Variants in CD300LG observed in about 807,000 individuals in gnomAD.
CD300LG encodes CMRF35-like molecule 9.
In CD300LG, 29 loss-of-function variants were observed where a neutral mutation model predicts 31.5. That is an observed-to-expected ratio of 0.92 (90% CI 0.68 to 1.25). The LOEUF (loss-of-function observed/expected upper bound fraction) is 1.25, where lower values mean the gene tolerates loss of function less well. CD300LG is among the 50% of genes most tolerant of loss of function. The pLI, the probability that CD300LG is intolerant of heterozygous loss-of-function variation, is 0.00. For missense variants in CD300LG, 396 were observed against 417.6 expected (o/e 0.95, Z 0.45); for synonymous variants, 175 against 177.2 (o/e 0.99, Z 0.10).
intron 6 of CD300LG, chr17:43,858,488 T>C (rs1286156751): frequency 1.0e-6 from 1 of 985,264 alleles, no homozygotes; most frequent in Non-Finnish European, 1.2e-6. Context: ...TTTGGGCTTT[T>C]TCCTGCCTGA....
chr17:43,857,490 A>G (rs1567854975), intron 6 of CD300LG: 1 of 1,530,500 alleles, frequency 6.5e-7, no homozygotes, highest in Non-Finnish European at 8.8e-7. Flanking sequence ...AGCTGGATCC[A>G]GATGAAGCCT....
intron 6 of CD300LG, chr17:43,861,288 G>T: frequency 1.0e-6 from 1 of 985,358 alleles, no homozygotes; most frequent in Non-Finnish European, 1.2e-6. Context: ...GGGAGGGGCT[G>T]AGGAGCCACC....
chr17:43,848,775 G>T lies in CD300LG; in HGVS notation c.261G>T (p.Glu87Asp). The T allele has an allele frequency of 6.2e-7, 1 of 1,614,182 alleles. No individual in the cohort carries two copies. Residue 87 changes from glutamate to aspartate, a missense_variant, in exon 2 of 7, where the codon GAG (glutamate) becomes GAT (aspartate). By Grantham distance (45) the Glu-to-Asp change is conservative. Coordinates refer to ENST00000317310, the MANE Select transcript of CD300LG (RefSeq NM_145273.4). The stretch of plus-strand genomic sequence containing the variant: ...TGTCCATCCGTGACAGCCGCCAGGA[G>T]CTCTCGCTCATTGTGACCCTGTGGA... ...GRVSIRDSRQ[E>D]LSLIVTLWNL... is the part of the protein sequence containing the mutation.
chr17:43,847,397 G>A lies in CD300LG; in HGVS notation c.43+138G>A, dbSNP rs577397754. The A allele has an allele frequency of 4.7e-6, 4 of 853,430 alleles. No individual in the cohort carries two copies. In the African/African-American group the frequency reaches 5.3e-5, roughly 11 times the overall value. 52.9% of individuals were successfully genotyped at this position (853,430 alleles called of 1,614,324 possible). ...GCCCTAGGGGAGCGGGGCGGGCTGG[G>A]GGTGGGGGGAGGTGGGGGTGGCGCC... is the stretch of plus-strand genomic sequence containing the variant. On this transcript the variant is annotated intron_variant, in intron 1 of 6. Transcript: ENST00000317310.
At chr17:43,852,386 G>A (rs1464612586) in intron 2 of CD300LG, among the ~76,000 whole-genome samples, 1 of 151,976 alleles carries the variant, frequency 6.6e-6, no homozygotes, top group African/African-American at 2.4e-5. Flanking sequence ...AGCTAATTTT[G>A]TATTTTTAGT....
At position 43,852,901 on chromosome 17, in the gene CD300LG, C is replaced by G; in HGVS notation, c.380-11C>G. 1 of 1,604,230 alleles carries G rather than the reference C, an allele frequency of 6.2e-7. No individual in the cohort carries two copies. Among genetic ancestry groups the G allele is most frequent in the Non-Finnish European group, 8.5e-7 (1 of 1,174,338 alleles). On this transcript the variant is annotated splice_polypyrimidine_tract_variant and intron_variant, in intron 2 of 6. Transcript: ENST00000317310. ...TGCCACCCCTGAGAGCAGCCTTTCC[C>G]TTTCCTCTAGGACCCTGCTGTCCTC...
chr17:43,854,283 C>T (rs1305428474), intron 4 of CD300LG, among the ~76,000 whole-genome samples: 1 of 152,236 alleles, frequency 6.6e-6, no homozygotes, highest in Non-Finnish European at 1.5e-5. Flanking sequence ...CCAGTCCTGA[C>T]CTCTCTCCCT....
intron 6 of CD300LG, 90 bp from the exon 7 acceptor site, chr17:43,861,708 T>A: frequency 2.6e-6 from 2 of 771,786 alleles, no homozygotes; most frequent in Non-Finnish European, 4.0e-6. Context: ...AAAGGCTGGG[T>A]GGACGCAGCA....
rs1470968545 is a variant in CD300LG at position 43,857,113 on chromosome 17, C to T, written c.842C>T (p.Ala281Val). ...LLLWRKEAQQ[A>V]TETQRNEKFC... Reference sequence around the variant, plus strand: ...TCTACATCTCTTTCAGCTCAACAGGCCACGGAGACACAGAGGAACGAGAAG... The same window carrying T: ...TCTACATCTCTTTCAGCTCAACAGGTCACGGAGACACAGAGGAACGAGAAG... Residue 281 changes from alanine to valine, a missense_variant, in exon 6 of 7, where the codon GCC (alanine) becomes GTC (valine). By Grantham distance (64) the Ala-to-Val change is moderately conservative. Coordinates refer to ENST00000317310, the MANE Select transcript of CD300LG (RefSeq NM_145273.4). The T allele has an allele frequency of 3.1e-6, 5 of 1,613,986 alleles. No individual in the cohort carries two copies. Among genetic ancestry groups the T allele is most frequent in the African/African-American group, 2.7e-5 (2 of 74,924 alleles).
At chr17:43,850,337 C>A (rs146030851) in intron 2 of CD300LG, among the ~76,000 whole-genome samples, 1 of 152,116 alleles carries the variant, frequency 6.6e-6, no homozygotes, top group African/African-American at 2.4e-5. Flanking sequence ...TGAGTCAGTG[C>A]GAGCCATCTC....
At chr17:43,847,583 G>A (rs552087706) in intron 1 of CD300LG, among the ~76,000 whole-genome samples, 1 of 152,290 alleles carries the variant, frequency 6.6e-6, no homozygotes, top group South Asian at 2.1e-4. Context: ...CCATCTGGTT[G>A]CCCTGTTAAA....
Position 43,861,209 on chromosome 17 carries a change from G to A in CD300LG, c.886-589G>A, listed in dbSNP as rs1206831060. On this transcript the variant is annotated intron_variant, in intron 6 of 6. Transcript: ENST00000317310. ...GCCCATGGGGTCTCTCACCATCCCCGAGCCCTCTCCCAGCCTCTACACAGA... is the reference window on the plus strand; with the variant it reads ...GCCCATGGGGTCTCTCACCATCCCCAAGCCCTCTCCCAGCCTCTACACAGA... 23 of 985,186 alleles carry A rather than the reference G, an allele frequency of 2.3e-5. No individual in the cohort carries two copies. The South Asian group carries it at 3.3e-4, about 14-fold the overall frequency. The allele number at this position is 985,186 out of a possible 1,614,324, so 61.0% of individuals were successfully genotyped here. A position where few individuals can be genotyped will look rare whatever the true frequency, so the allele number is the denominator to read the frequency against.
At chr17:43,854,701 C>A (rs1051874864) in intron 4 of CD300LG, among the ~76,000 whole-genome samples, 1 of 152,166 alleles carries the variant, frequency 6.6e-6, no homozygotes, top group African/African-American at 2.4e-5. Flanking sequence ...GGAACTTCCC[C>A]ACACACCACT....
In CD300LG at chr17:43,852,142, G is replaced by A. The variant is rs80314379; in HGVS notation, c.380-770G>A. ...AGGATGACTCTATGGCTGGAGCACC[G>A]AACAGAGAAAGAGGCGAAGCTGACA... On this transcript the variant is annotated intron_variant, in intron 2 of 6. Coordinates refer to ENST00000317310, the MANE Select transcript of CD300LG (RefSeq NM_145273.4). Among the ~76,000 whole-genome samples, 1,271 of 152,128 alleles carry A rather than the reference G, an allele frequency of 8.4e-3. 25 individuals carry two copies. The highest frequency in any genetic ancestry group is 0.03 in the African/African-American group (1,227 of 41,518).
intron 6 of CD300LG, among the ~76,000 whole-genome samples, chr17:43,858,924 T>G (rs977389028): frequency 2.0e-5 from 3 of 152,202 alleles, no homozygotes; most frequent in African/African-American, 7.2e-5. Context: ...CATCTTTTAT[T>G]GAACACCTAC....
At chr17:43,858,567 G>A (rs1207191500) in intron 6 of CD300LG, 1 of 985,340 alleles carries the variant, frequency 1.0e-6, no homozygotes, top group African/African-American at 1.7e-5. Flanking sequence ...AGGCAGAGGG[G>A]CTCTAGGGGG....
In CD300LG at chr17:43,855,279, G is replaced by A; in HGVS notation, c.792G>A (p.Leu264=). 2 of 1,605,114 alleles carry A rather than the reference G, an allele frequency of 1.2e-6. No homozygotes were observed. Among genetic ancestry groups the A allele is most frequent in the Non-Finnish European group, 1.7e-6 (2 of 1,176,962 alleles). Residue 264 remains leucine, a synonymous_variant, in exon 5 of 7, where the codon CTG becomes CTA. Transcript: ENST00000317310. ...TGAGCCTTCTGTCAGCCGCAGGCCTGATCGCCTTCTGCAGCCACCTGCTCC... is the reference window on the plus strand; with the variant it reads ...TGAGCCTTCTGTCAGCCGCAGGCCTAATCGCCTTCTGCAGCCACCTGCTCC... ...VLLSLLSAAG[L]IAFCSHLLLW... is the part of the protein sequence containing the mutation.
At chr17:43,859,327 T>C (rs1172908243) in intron 6 of CD300LG, among the ~76,000 whole-genome samples, 2 of 152,200 alleles carry the variant, frequency 1.3e-5, no homozygotes, top group African/African-American at 4.8e-5. Flanking sequence ...TTTATTAGGT[T>C]TATTACTAGT....
chr17:43,860,316 C>T (rs147369191), intron 6 of CD300LG, among the ~76,000 whole-genome samples: 1 of 152,336 alleles, frequency 6.6e-6, no homozygotes, highest in Non-Finnish European at 1.5e-5. Flanking sequence ...TGCCATAGCT[C>T]ACATAGTTGT....
Sources: allele counts gnomAD v4.1 joint callset (sites outside exome capture counted in the v4.1 genomes callset), GRCh38; gene constraint gnomAD v4.1.1; transcripts MANE v1.5; gene names NCBI Gene and HGNC (gene_info 2026-07-23, HGNC 2026-07-21).